Variants in ALG12 observed in about 807,000 individuals in gnomAD.
ALG12 encodes ALG12 alpha-1,6-mannosyltransferase, also known as dol-P-Man:Man(7)GlcNAc(2)-PP-Dol alpha-1,6-mannosyltransferase.
ALG12 carries 36 observed loss-of-function variants against 46.0 expected under a neutral mutation model. That is an observed-to-expected ratio of 0.78 (90% CI 0.60 to 1.03). ALG12 has a LOEUF of 1.03. Ranked by LOEUF, ALG12 falls within the 50% of genes least tolerant of loss-of-function variation. ALG12 has a pLI of 0.00. For missense variants in ALG12, 599 were observed against 633.5 expected, an observed-to-expected ratio of 0.95 and a Z score of 0.58; for synonymous variants, 326 against 291.6, an observed-to-expected ratio of 1.12 and a Z score of -1.20.
chr22:49,909,717 C>T lies in ALG12; in HGVS notation c.664+177G>A, dbSNP rs150925909. ...AGTGAACAGGGGCTCCTAAGGCGCA[C>T]GGTGGGTCCCCCTGGAGATCCCCGG... On this transcript the variant is annotated intron_variant, in intron 5 of 9. Transcript: ENST00000330817. 9.8e-3 allele frequency among the ~76,000 whole-genome samples: 1,486 copies of T among 152,296 alleles called. 15 individuals carry two copies. The highest frequency in any genetic ancestry group is 0.067 in the South Asian group (325 of 4,820).
chr22:49,917,945 T>TCCGGCCCCAGGTGAGGAGC (rs1234412112), intron 1 of ALG12, among the ~76,000 whole-genome samples: 15 of 135,728 alleles, frequency 1.1e-4, no homozygotes, highest in Non-Finnish European at 1.7e-4. Context: ...AGGTGGGAGG[T>TCCGGCCCCAGGTGAGGAGC]CCGGCCCCAG....
intron 1 of ALG12, among the ~76,000 whole-genome samples, chr22:49,915,449 C>T (rs146656522): frequency 1.3e-5 from 2 of 151,978 alleles, no homozygotes; most frequent in Non-Finnish European, 2.9e-5. Flanking sequence ...CCCAGCTACT[C>T]GGGAGGCTAA....
chr22:49,884,028 G>C, the ALG12 span: 1 of 1,606,654 alleles, frequency 6.2e-7, no homozygotes, highest in Non-Finnish European at 8.5e-7. Flanking sequence ...CAGCCTGGAA[G>C]CATTTTTTTA....
chr22:49,864,415 A>G, the ALG12 span, among the ~76,000 whole-genome samples: 1 of 152,242 alleles, frequency 6.6e-6, no homozygotes, highest in Non-Finnish European at 1.5e-5. Flanking sequence ...CTGTGTAGTT[A>G]TGCAGGGTCT....
At chr22:49,870,412 G>A in the ALG12 span, among the ~76,000 whole-genome samples, 4 of 152,260 alleles carry the variant, frequency 2.6e-5, no homozygotes, top group Non-Finnish European at 4.4e-5. Context: ...ACTGCTCTCC[G>A]CAGTGGCTGA....
chr22:49,913,748 T>C lies in ALG12; in HGVS notation c.18A>G (p.Ser6=), dbSNP rs767702756. MAGKG[S]SGRRPLLLGL... ...CCAGCAGCAGGGGCCGCCTGCCTGA[T>C]GACCCCTTTCCAGCCATTCCAGGCT... Residue 6 remains serine (S), a synonymous_variant, in exon 2 of 10, where the codon TCA becomes TCG. Coordinates refer to ENST00000330817, the MANE Select transcript of ALG12 (RefSeq NM_024105.4). 6.2e-7 allele frequency: 1 copy of C among 1,613,728 alleles called. No homozygotes were observed. Among genetic ancestry groups the C allele is most frequent in the Non-Finnish European group, 8.5e-7 (1 of 1,180,030 alleles).
chr22:49,871,763 T>TA, the ALG12 span, among the ~76,000 whole-genome samples: 1,345 of 141,382 alleles, frequency 9.5e-3, 18 homozygotes, highest in South Asian at 0.07. Flanking sequence ...ATTTATTTTT[T>TA]TTTTTTTTTG....
At chr22:49,875,467 C>T in the ALG12 span, among the ~76,000 whole-genome samples, 1 of 149,412 alleles carries the variant, frequency 6.7e-6, no homozygotes. Flanking sequence ...GTCACCCAGG[C>T]TGGAGTACAG....
intron 3 of ALG12, 148 bp downstream of exon 3, chr22:49,913,237 C>T: frequency 7.7e-7 from 1 of 1,299,406 alleles, no homozygotes; most frequent in Non-Finnish European, 1.1e-6. Context: ...GACCTGAGCA[C>T]CTGCTCTGAG....
At chr22:49,910,390 T>C in intron 4 of ALG12, 44 bp downstream of exon 4, 1 of 1,600,640 alleles carries the variant, frequency 6.2e-7, no homozygotes, top group Non-Finnish European at 8.5e-7. Flanking sequence ...GGGGAGCCCC[T>C]GCCCGGCACC....
chr22:49,862,274 GTCTT>G, the ALG12 span, among the ~76,000 whole-genome samples: 1 of 151,638 alleles, frequency 6.6e-6, no homozygotes, highest in African/African-American at 2.4e-5. Context: ...TGGTTTCTCT[GTCTT>G]TCTTATTTTT....
rs778471547 is a variant in ALG12, at chr22:49,913,503, C to T, written c.177G>A (p.Glu59=). 1 of 1,613,994 alleles carries T rather than the reference C, an allele frequency of 6.2e-7. No individual in the cohort carries two copies. Among genetic ancestry groups the T allele is most frequent in the Non-Finnish European group, 8.5e-7 (1 of 1,180,056 alleles). ...WQDLEQYDHL[E]FPGVVPRTFL... ...ACGTCCTGGGGACGACTCCGGGGAA[C>T]TCAAGATGGTCGTACTGCGAGGAGA... Residue 59 remains glutamate, a synonymous_variant, in exon 3 of 10, where the codon GAG becomes GAA. Coordinates refer to ENST00000330817, the MANE Select transcript of ALG12 (RefSeq NM_024105.4).
At chr22:49,872,763 G>A in the ALG12 span, among the ~76,000 whole-genome samples, 1 of 151,156 alleles carries the variant, frequency 6.6e-6, no homozygotes. Flanking sequence ...GGAGTGCAGT[G>A]ACGTGATCGC....
the ALG12 span, among the ~76,000 whole-genome samples, chr22:49,870,041 T>A: frequency 6.6e-6 from 1 of 152,234 alleles, no homozygotes; most frequent in Non-Finnish European, 1.5e-5. Flanking sequence ...GTGTACCACA[T>A]GCTTAGCTCC....
chr22:49,862,358 G>T, the ALG12 span, among the ~76,000 whole-genome samples: 3 of 152,222 alleles, frequency 2.0e-5, no homozygotes, highest in Non-Finnish European at 1.5e-5. Flanking sequence ...TCTCACCGTG[G>T]CCTGCAAGTA....
At position 49,907,780 on chromosome 22, in the gene ALG12, G is replaced by A. The variant is rs779215527; in HGVS notation, c.933C>T (p.Arg311=). Residue 311 remains arginine (R), a synonymous_variant, in exon 7 of 10, where the codon CGC becomes CGT. Transcript: ENST00000330817. The part of the protein sequence containing the change: ...LYSLLPHKEL[R]FIIYAFPMLN... Reference sequence around the variant, plus strand: ...GCATGGGGAAGGCATAGATGATGAAGCGTAGCTCCTTGTGTGGCAGGAGGG... The same window carrying A: ...GCATGGGGAAGGCATAGATGATGAAACGTAGCTCCTTGTGTGGCAGGAGGG... 1.7e-5 allele frequency: 27 copies of A among 1,614,050 alleles called. No homozygotes were observed. Among genetic ancestry groups the A allele is most frequent in the Non-Finnish European group, 5.9e-6 (7 of 1,180,052 alleles).
At chr22:49,880,457 G>A in the ALG12 span, among the ~76,000 whole-genome samples, 1 of 152,196 alleles carries the variant, frequency 6.6e-6, no homozygotes, top group South Asian at 2.1e-4. Context: ...TCCCCGCCCC[G>A]CAGCCTGGAA....
chr22:49,870,611 C>T, the ALG12 span, among the ~76,000 whole-genome samples: 1 of 152,064 alleles, frequency 6.6e-6, no homozygotes, highest in Non-Finnish European at 1.5e-5. Flanking sequence ...CTGTTGGCCA[C>T]TTTTATGTCT....
At chr22:49,879,451 A>G in the ALG12 span, among the ~76,000 whole-genome samples, 1 of 151,738 alleles carries the variant, frequency 6.6e-6, no homozygotes, top group Admixed American at 6.6e-5. Flanking sequence ...TTTTGCAGAG[A>G]CGATGTTTTG....
Sources: gnomAD v4.1 joint callset for allele counts (sites outside exome capture counted in the v4.1 genomes callset) on GRCh38, gnomAD v4.1.1 for gene constraint, MANE v1.5 for transcripts, NCBI Gene and HGNC (gene_info 2026-07-23, HGNC 2026-07-21) for gene names.